Variants in PCDH19 observed in about 807,000 individuals in gnomAD.
PCDH19 encodes protocadherin-19.
Under a neutral mutation model 46.2 loss-of-function variants are expected in PCDH19, and 6 were observed. The observed-to-expected ratio is 0.13, with a 90% confidence interval of 0.07 to 0.26. The LOEUF (loss-of-function observed/expected upper bound fraction) is 0.26, where lower values mean the gene tolerates loss of function less well. Ranked by LOEUF, PCDH19 falls within the 10% of genes least tolerant of loss-of-function variation. The probability of loss-of-function intolerance (pLI) is 1.00; values close to 1 mark genes in which losing one functional copy is unlikely to be tolerated. For missense variants in PCDH19, 740 were observed against 972.3 expected (o/e 0.76, Z 3.18); for synonymous variants, 481 against 415.7 (o/e 1.16, Z -1.91).
chrX:100,375,129 T>C (rs185425399), intron 3 of PCDH19, among the ~76,000 whole-genome samples: 147 of 111,771 alleles, frequency 1.3e-3, no homozygotes, highest in Non-Finnish European at 2.5e-3. Flanking sequence ...TTTTCTTATT[T>C]TTTTATTATA....
chrX:100,351,030 G>A (rs1926556105), intron 3 of PCDH19, among the ~76,000 whole-genome samples: 1 of 112,933 alleles, frequency 8.9e-6, no homozygotes, highest in African/African-American at 3.2e-5. Flanking sequence ...CCCCAGTGGA[G>A]ACAATTCTAT....
At chrX:100,367,539 T>C (rs1336130882) in intron 3 of PCDH19, among the ~76,000 whole-genome samples, 2 of 111,860 alleles carry the variant, frequency 1.8e-5, no homozygotes, top group Non-Finnish European at 3.8e-5. Context: ...TGTTACCTTG[T>C]TGCTGTATCT....
At chrX:100,389,861 C>CATTGTTTTT (rs1394302762) in intron 3 of PCDH19, among the ~76,000 whole-genome samples, 1 of 111,488 alleles carries the variant, frequency 9.0e-6, no homozygotes, top group African/African-American at 3.3e-5. Context: ...TGCTCATTTT[C>CATTGTTTTT]ATTGTTTTTA....
chrX:100,314,764 C>A (rs972778260), intron 5 of PCDH19, among the ~76,000 whole-genome samples: 1 of 111,801 alleles, frequency 8.9e-6, no homozygotes, highest in African/African-American at 3.3e-5. Context: ...AAAATTTCAA[C>A]ATATTCACAA....
intron 5 of PCDH19, among the ~76,000 whole-genome samples, chrX:100,301,937 C>A (rs1924794260): frequency 8.9e-6 from 1 of 112,222 alleles, no homozygotes; most frequent in Non-Finnish European, 1.9e-5. Context: ...CCCTTGCAGA[C>A]ATGTAACATA....
intron 4 of PCDH19, 66 bp downstream of exon 4, chrX:100,350,580 A>C: frequency 2.7e-6 from 2 of 749,581 alleles, no homozygotes; most frequent in South Asian, 4.6e-5. Context: ...TAAAAATTTT[A>C]ATCTGTTTTG....
chrX:100,406,081 T>A lies in PCDH19; in HGVS notation c.2147+370A>T, dbSNP rs1034948966. 1.1e-4 allele frequency among the ~76,000 whole-genome samples: 12 copies of A among 110,901 alleles called. No individual in the cohort carries two copies. The East Asian group carries it at 3.1e-3, about 29-fold the overall frequency. The stretch of plus-strand genomic sequence containing the variant: ...AAAACACTGTGCCCCAGACACCAAG[T>A]TGTGGTAGTTGGTGGTTTTCCTAAA... On this transcript the variant is annotated intron_variant, in intron 1 of 5. Coordinates refer to ENST00000373034, the MANE Select transcript of PCDH19 (RefSeq NM_001184880.2).
chrX:100,380,757 A>T lies in PCDH19; in HGVS notation c.2616+21767T>A, dbSNP rs184130690. Among the ~76,000 whole-genome samples, 304 of 112,095 alleles carry T rather than the reference A, an allele frequency of 2.7e-3. 2 individuals carry two copies. Among genetic ancestry groups the T allele is most frequent in the South Asian group, 0.012 (33 of 2,678 alleles). The stretch of plus-strand genomic sequence containing the variant: ...CCACAGCCTGCTTTCTGCTTCAATC[A>T]CCTTTAATTTTGTTTTCAAATTCCA... On this transcript the variant is annotated intron_variant, in intron 3 of 5. Transcript: ENST00000373034.
At chrX:100,380,566 A>G (rs1265691804) in intron 3 of PCDH19, among the ~76,000 whole-genome samples, 3 of 111,904 alleles carry the variant, frequency 2.7e-5, no homozygotes, top group African/African-American at 9.7e-5. Context: ...ATATATCCAT[A>G]GTAAAGCAAA....
At chrX:100,396,310 A>C (rs1928024887) in intron 3 of PCDH19, among the ~76,000 whole-genome samples, 1 of 112,097 alleles carries the variant, frequency 8.9e-6, no homozygotes, top group South Asian at 3.7e-4. Flanking sequence ...CGCTGGGCAC[A>C]ATAAGCCCAA....
intron 3 of PCDH19, among the ~76,000 whole-genome samples, chrX:100,395,682 C>A (rs1047279557): frequency 8.8e-6 from 1 of 113,126 alleles, no homozygotes; most frequent in East Asian, 2.8e-4. Context: ...AAGGTTTCTG[C>A]ACAGGAGCTC....
At chrX:100,306,483 T>C (rs1037967006) in intron 5 of PCDH19, among the ~76,000 whole-genome samples, 3 of 110,388 alleles carry the variant, frequency 2.7e-5, no homozygotes, top group Admixed American at 1.9e-4. Context: ...AAATAGACAA[T>C]CTAAGGTCAC....
intron 3 of PCDH19, among the ~76,000 whole-genome samples, chrX:100,350,905 G>C (rs945703753): frequency 1.8e-5 from 2 of 112,095 alleles, no homozygotes; most frequent in Admixed American, 9.4e-5. Context: ...CTGCAGACCA[G>C]GGCGGCCTTG....
At chrX:100,376,489 A>C (rs1433155803) in intron 3 of PCDH19, among the ~76,000 whole-genome samples, 1 of 111,464 alleles carries the variant, frequency 9.0e-6, no homozygotes, top group Non-Finnish European at 1.9e-5. Context: ...GAATTCCTAT[A>C]GCAAATAGCT....
rs185843642 is a variant in PCDH19, at chrX:100,383,441, G to A, written c.2616+19083C>T. ...AGAGATGCAAAAGTCAAGAGCTCTC[G>A]TATGTACTCTGCCAGCTTTGCCTGA... On this transcript the variant is annotated intron_variant, in intron 3 of 5. Coordinates refer to ENST00000373034, the MANE Select transcript of PCDH19 (RefSeq NM_001184880.2). 4.5e-5 allele frequency among the ~76,000 whole-genome samples: 5 copies of A among 112,218 alleles called. 1 individual carries two copies. In the Admixed American group the frequency reaches 4.7e-4, roughly 11 times the overall value.
chrX:100,403,558 T>G lies in PCDH19; in HGVS notation c.2254A>C (p.Lys752Gln). 8.3e-7 allele frequency: 1 copy of G among 1,210,413 alleles called. No individual in the cohort carries two copies. Among genetic ancestry groups the G allele is most frequent in the Non-Finnish European group, 1.1e-6 (1 of 895,104 alleles). Residue 752 changes from lysine to glutamine, a missense_variant, in exon 2 of 6, where the codon AAG becomes CAG. Lys to Gln is a moderately conservative substitution (Grantham distance 53). Around this residue, in one of 5 missense-constraint regions of PCDH19, gnomAD observed 416 missense variants for 476.8 expected, o/e 0.87. Transcript: ENST00000373034. ...VSPISEEQDK[K>Q]TEEKVSLRGK... ...CTTAGGCTCACTTTCTCCTCTGTCT[T>G]TTTGTCTTGCTCCTCGCTAATGGGA...
intron 5 of PCDH19, among the ~76,000 whole-genome samples, chrX:100,337,993 C>T (rs1477306156): frequency 9.0e-6 from 1 of 111,121 alleles, no homozygotes; most frequent in Non-Finnish European, 1.9e-5. Flanking sequence ...GAAAAGGAAA[C>T]ACATAATCCA....
intron 1 of PCDH19, among the ~76,000 whole-genome samples, chrX:100,405,813 T>C (rs761523471): frequency 9.4e-4 from 106 of 112,252 alleles, no homozygotes; most frequent in African/African-American, 3.3e-3. Context: ...TTTGAAAACA[T>C]ACAGATGCCT....
chrX:100,408,481 A>T lies in PCDH19; in HGVS notation c.117T>A (p.Ile39=), dbSNP rs750597794. ...CTCGCGCGTCTTTGGCCACGTTGGC[A>T]ATCACCGTCCCGGCGCGCTGCTCCT... The part of the protein sequence containing the change: ...VEEEQRAGTV[I]ANVAKDAREA... Residue 39 remains isoleucine (I), a synonymous_variant, in exon 1 of 6, where the codon ATT becomes ATA. Transcript: ENST00000373034. 1.2e-5 allele frequency: 15 copies of T among 1,204,204 alleles called. No individual in the cohort carries two copies. Among genetic ancestry groups the T allele is most frequent in the Non-Finnish European group, 1.7e-5 (15 of 893,621 alleles).
Sources: allele counts gnomAD v4.1 joint callset (sites outside exome capture counted in the v4.1 genomes callset), GRCh38; gene constraint gnomAD v4.1.1; regional missense constraint gnomAD v4.1.1; transcripts MANE v1.5; gene names NCBI Gene and HGNC (gene_info 2026-07-23, HGNC 2026-07-21).